The following SLC60A1 variants were observed in gnomAD, a reference collection of about 807,000 sequenced individuals.
The protein encoded by SLC60A1 is major facilitator superfamily domain containing 4.
the SLC60A1 span, chr1:205,586,243 G>C: frequency 6.2e-7 from 1 of 1,608,952 alleles, no homozygotes; most frequent in Non-Finnish European, 8.5e-7. Flanking sequence ...TCTTCTGAGA[G>C]ACCCAGGAGA....
chr1:205,587,389 A>G, the SLC60A1 span, among the ~76,000 whole-genome samples: 3 of 152,154 alleles, frequency 2.0e-5, no homozygotes, highest in Admixed American at 2.0e-4. Context: ...AAAGATCATG[A>G]TCCCCAAGAA....
the SLC60A1 span, among the ~76,000 whole-genome samples, chr1:205,574,801 A>T: frequency 6.6e-6 from 1 of 152,194 alleles, no homozygotes; most frequent in Non-Finnish European, 1.5e-5. Context: ...CCAACATCTA[A>T]GGAGCACGCC....
the SLC60A1 span, chr1:205,598,998 G>T: frequency 8.3e-7 from 1 of 1,198,514 alleles, no homozygotes; most frequent in South Asian, 1.5e-5. Context: ...TCCTCCCCGT[G>T]ATTCCATCTC....
the SLC60A1 span, among the ~76,000 whole-genome samples, chr1:205,574,515 C>T: frequency 2.0e-5 from 3 of 152,054 alleles, no homozygotes; most frequent in African/African-American, 4.8e-5. Context: ...CCTCTTGAGC[C>T]GGATCCTGTT....
the SLC60A1 span, among the ~76,000 whole-genome samples, chr1:205,575,875 A>T: frequency 1.3e-5 from 2 of 152,082 alleles, no homozygotes; most frequent in African/African-American, 4.8e-5. Flanking sequence ...AATTGGCCTG[A>T]ATTAACCTGT....
At chr1:205,570,487 G>T in the SLC60A1 span, among the ~76,000 whole-genome samples, 1 of 152,250 alleles carries the variant, frequency 6.6e-6, no homozygotes, top group Non-Finnish European at 1.5e-5. Flanking sequence ...GAGGGCAGGT[G>T]TTTCCATCCA....
chr1:205,581,178 C>T, the SLC60A1 span, among the ~76,000 whole-genome samples: 1 of 152,226 alleles, frequency 6.6e-6, no homozygotes, highest in Non-Finnish European at 1.5e-5. This position sits in a 1 kb window ranked among gnomAD's most constrained non-coding sequence, Gnocchi z 4.2. Flanking sequence ...TCAGGGTCAA[C>T]TTTCGAATTA....
At chr1:205,600,745 A>C in the SLC60A1 span, 1 of 387,378 alleles carries the variant, frequency 2.6e-6, no homozygotes, top group Non-Finnish European at 4.7e-6. Flanking sequence ...CGCGCGCTTC[A>C]CTCCATTTGT....
chr1:205,573,153 A>T, the SLC60A1 span, among the ~76,000 whole-genome samples: 1 of 152,210 alleles, frequency 6.6e-6, no homozygotes, highest in South Asian at 2.1e-4. Flanking sequence ...GCTCACTCCT[A>T]TGATCCCAGC....
the SLC60A1 span, among the ~76,000 whole-genome samples, chr1:205,595,353 C>T: frequency 6.6e-6 from 1 of 152,194 alleles, no homozygotes; most frequent in African/African-American, 2.4e-5. Flanking sequence ...TGCTCCATCT[C>T]GCCCCTTTAT....
chr1:205,595,620 G>A, the SLC60A1 span, among the ~76,000 whole-genome samples: 2 of 152,210 alleles, frequency 1.3e-5, no homozygotes, highest in Non-Finnish European at 2.9e-5. Flanking sequence ...CAGAGTTACT[G>A]GCTTTATGAC....
At chr1:205,578,161 C>CG in the SLC60A1 span, among the ~76,000 whole-genome samples, 4 of 152,206 alleles carry the variant, frequency 2.6e-5, no homozygotes, top group Non-Finnish European at 4.4e-5. Flanking sequence ...TCCCTGCTTA[C>CG]GCAAAGTGGT....
the SLC60A1 span, among the ~76,000 whole-genome samples, chr1:205,592,582 T>C: frequency 1.3e-5 from 2 of 151,786 alleles, no homozygotes; most frequent in Admixed American, 1.3e-4. Context: ...CCCTGTGCTC[T>C]TCTAGGCCAG....
the SLC60A1 span, chr1:205,600,566 A>G: frequency 2.8e-6 from 3 of 1,089,198 alleles, no homozygotes; most frequent in Middle Eastern, 2.5e-4. Context: ...CTCAATGGCT[A>G]TTCAAGTCTT....
chr1:205,574,845 A>G, the SLC60A1 span, among the ~76,000 whole-genome samples: 1 of 152,146 alleles, frequency 6.6e-6, no homozygotes, highest in Admixed American at 6.5e-5. Flanking sequence ...GCCCCAGGGG[A>G]TGCCATCATG....
At chr1:205,579,881 T>C in the SLC60A1 span, 1 of 1,614,136 alleles carries the variant, frequency 6.2e-7, no homozygotes, top group South Asian at 1.1e-5. Flanking sequence ...GGCCATGGGC[T>C]GCATCGACAC....
the SLC60A1 span, among the ~76,000 whole-genome samples, chr1:205,593,717 C>T: frequency 6.6e-6 from 1 of 152,092 alleles, no homozygotes; most frequent in South Asian, 2.1e-4. Context: ...GTCGTATGTG[C>T]TCACTGCAAA....
chr1:205,571,508 CA>C, the SLC60A1 span, among the ~76,000 whole-genome samples: 1 of 152,156 alleles, frequency 6.6e-6, no homozygotes, highest in East Asian at 1.9e-4. Flanking sequence ...TAGATCCTAT[CA>C]GTGGTTGAGG....
At chr1:205,593,827 T>G in the SLC60A1 span, among the ~76,000 whole-genome samples, 1 of 152,190 alleles carries the variant, frequency 6.6e-6, no homozygotes, top group East Asian at 1.9e-4. Flanking sequence ...TCTGAGCTTG[T>G]GAGACCATTC....
Sources: gnomAD v4.1 joint callset for allele counts (sites outside exome capture counted in the v4.1 genomes callset) on GRCh38, gnomAD v4.1.1 for gene constraint, Gnocchi (gnomAD v3.1) non-coding constraint, MANE v1.5 for transcripts, NCBI Gene and HGNC (gene_info 2026-07-23, HGNC 2026-07-21) for gene names.